Variants in CDR2L observed in about 807,000 individuals in gnomAD.
CDR2L encodes the protein cerebellar degeneration-related protein 2-like.
CDR2L carries 19 observed loss-of-function variants against 36.1 expected under a neutral mutation model. The ratio of observed to expected loss-of-function variants is 0.53; its 90% CI spans 0.37 to 0.77. The LOEUF (loss-of-function observed/expected upper bound fraction) is 0.77, where lower values mean the gene tolerates loss of function less well. CDR2L is among the 30% of genes least tolerant of loss of function. The pLI, the probability that CDR2L is intolerant of heterozygous loss-of-function variation, is 0.00. For synonymous variants in CDR2L, 285 were observed against 280.4 expected (o/e 1.02, Z -0.16); for missense variants, 575 against 627.2 (o/e 0.92, Z 0.89).
intron 2 of CDR2L, among the ~76,000 whole-genome samples, chr17:75,000,438 A>T (rs1229017353): frequency 6.7e-6 from 1 of 150,048 alleles, no homozygotes; most frequent in African/African-American, 2.4e-5. Flanking sequence ...CTGGGACTAC[A>T]GGCGCCCACC....
In CDR2L at chr17:75,003,825, C is replaced by T. The variant is rs1212952617; in HGVS notation, c.1149C>T (p.His383=). Residue 383 remains histidine, a synonymous_variant, in exon 5 of 5, where the codon CAC becomes CAT. Transcript: ENST00000337231. ...GGCAGCACGGGGCCGGAGTGCGGCACGCCGGCGTGCAGACCTCGCGCCCCA... is the reference window on the plus strand; with the variant it reads ...GGCAGCACGGGGCCGGAGTGCGGCATGCCGGCGTGCAGACCTCGCGCCCCA... The part of the protein sequence containing the change: ...KCRQHGAGVR[H]AGVQTSRPIS... 8 of 1,557,328 alleles carry T rather than the reference C, an allele frequency of 5.1e-6. No individual in the cohort carries two copies. In the South Asian group the frequency reaches 7.1e-5, roughly 14 times the overall value.
intron 1 of CDR2L, among the ~76,000 whole-genome samples, chr17:74,999,267 G>A (rs1426291646): frequency 6.9e-6 from 1 of 144,520 alleles, no homozygotes; most frequent in African/African-American, 2.5e-5. Flanking sequence ...TCCTATTTTT[G>A]TTTGTTTTTT....
rs774123866 is a variant in CDR2L, at chr17:75,003,896, G to A, written c.1220G>A (p.Gly407Asp). Residue 407 changes from glycine (G) to aspartate (D), a missense_variant, in exon 5 of 5, where the codon GGC becomes GAC. Transcript: ENST00000337231. ...AGGGACCTGCGCGGGGGTGAGGAGGGCCAGGGTGAGGTCAAGGCAGGAGAG... is the reference window on the plus strand; with the variant it reads ...AGGGACCTGCGCGGGGGTGAGGAGGACCAGGGTGAGGTCAAGGCAGGAGAG... The part of the protein sequence containing the change: ...SWRDLRGGEE[G>D]QGEVKAGEKS... 11 of 1,607,222 alleles carry A rather than the reference G, an allele frequency of 6.8e-6. No individual in the cohort carries two copies. The East Asian group carries it at 2.0e-4, about 29-fold the overall frequency.
At chr17:74,994,034 GC>G (rs1378619347) in intron 1 of CDR2L, among the ~76,000 whole-genome samples, 1 of 152,176 alleles carries the variant, frequency 6.6e-6, no homozygotes, top group East Asian at 1.9e-4. Context: ...GCCCTCAGCT[GC>G]CCACCAAGAG....
At chr17:74,996,831 C>G (rs1035646214) in intron 1 of CDR2L, among the ~76,000 whole-genome samples, 2 of 152,002 alleles carry the variant, frequency 1.3e-5, no homozygotes, top group African/African-American at 4.8e-5. Flanking sequence ...CAAATGGTAC[C>G]CAACCAGGAG....
intron 1 of CDR2L, among the ~76,000 whole-genome samples, chr17:74,996,844 C>T (rs916056738): frequency 1.3e-5 from 2 of 152,188 alleles, no homozygotes; most frequent in African/African-American, 2.4e-5. Flanking sequence ...ACCAGGAGCC[C>T]GATACCTGAA....
At position 75,003,333 on chromosome 17, in the gene CDR2L, G is replaced by C; in HGVS notation, c.657G>C (p.Glu219Asp). 1.3e-6 allele frequency: 2 copies of C among 1,555,548 alleles called. No individual in the cohort carries two copies. Among genetic ancestry groups the C allele is most frequent in the Non-Finnish European group, 1.7e-6 (2 of 1,150,356 alleles). The change falls in exon 5 of 5, where the codon GAG becomes GAC. Residue 219 changes from glutamate to aspartate, a missense_variant. Physicochemically the swap from Glu to Asp is conservative, Grantham distance 45. Transcript: ENST00000337231. The stretch of plus-strand genomic sequence containing the variant: ...AGCGCAAGGAGCGGGCGGAGCGCGA[G>C]TACACCGCGGTGCTGCAGGAGTACT... ...ERQRKERAER[E>D]YTAVLQEYSE...
chr17:75,003,879 G>A lies in CDR2L; in HGVS notation c.1203G>A (p.Leu401=), dbSNP rs1289872788. The A allele has an allele frequency of 6.2e-7, 1 of 1,601,662 alleles. No individual in the cohort carries two copies. Among genetic ancestry groups the A allele is most frequent in the East Asian group, 2.3e-5 (1 of 44,328 alleles). The stretch of plus-strand genomic sequence containing the variant: ...CCCGGGACAGCTCGTGGAGGGACCT[G>A]CGCGGGGGTGAGGAGGGCCAGGGTG... ...PISRDSSWRD[L]RGGEEGQGEV... Residue 401 remains leucine, a synonymous_variant, in exon 5 of 5, where the codon CTG becomes CTA. Transcript: ENST00000337231.
Position 75,002,533 on chromosome 17 carries a change from C to G in CDR2L, c.506+305C>G, listed in dbSNP as rs1357045333. ...CCTGTTTAGTAAGAGGCTCAGCCAG[C>G]ATGCTAACCCAGGAGGGGTAACCCA... On this transcript the variant is annotated intron_variant, in intron 4 of 4. Coordinates refer to ENST00000337231, the MANE Select transcript of CDR2L (RefSeq NM_014603.3). The surrounding 1 kb of genome is among the most constrained non-coding windows in gnomAD (Gnocchi z 4.1). Among the ~76,000 whole-genome samples the G allele has an allele frequency of 6.6e-6, 1 of 152,214 alleles. No homozygotes were observed. The highest frequency in any genetic ancestry group is 1.5e-5 in the Non-Finnish European group (1 of 68,038).
intron 1 of CDR2L, among the ~76,000 whole-genome samples, chr17:74,990,456 C>T (rs1046387309): frequency 1.3e-5 from 2 of 152,214 alleles, no homozygotes; most frequent in African/African-American, 4.8e-5. Context: ...GAGGACTCCA[C>T]GTTACATTAG....
At position 75,001,328 on chromosome 17, in the gene CDR2L, C is replaced by T; in HGVS notation, c.193-13C>T. On this transcript the variant is annotated splice_polypyrimidine_tract_variant and intron_variant, in intron 2 of 4. Coordinates refer to ENST00000337231, the MANE Select transcript of CDR2L (RefSeq NM_014603.3). ...CAATTCTAAAAAGTTACTCAATGTCCTTCCACCCCCAGTACCTAACCAAGC... is the reference window on the plus strand; with the variant it reads ...CAATTCTAAAAAGTTACTCAATGTCTTTCCACCCCCAGTACCTAACCAAGC... The T allele has an allele frequency of 1.3e-6, 2 of 1,591,762 alleles. No homozygotes were observed. The highest frequency in any genetic ancestry group is 2.3e-5 in the South Asian group (2 of 87,290).
At chr17:74,994,660 C>T (rs1005684389) in intron 1 of CDR2L, among the ~76,000 whole-genome samples, 2 of 152,040 alleles carry the variant, frequency 1.3e-5, no homozygotes, top group Non-Finnish European at 2.9e-5. Flanking sequence ...CACTGGAATG[C>T]AGTGTTGCAA....
Position 75,002,271 on chromosome 17 carries a change from T to C in CDR2L, c.506+43T>C, listed in dbSNP as rs377610755. ...TTGGTGTCTCTGGGATTGCCAGCCATGGGAGGAAGGAGAGGCAGCAGGCAG... is the reference window on the plus strand; with the variant it reads ...TTGGTGTCTCTGGGATTGCCAGCCACGGGAGGAAGGAGAGGCAGCAGGCAG... On this transcript the variant is annotated intron_variant, in intron 4 of 4. Transcript: ENST00000337231. This position sits in a 1 kb window ranked among gnomAD's most constrained non-coding sequence, Gnocchi z 4.1. The C allele has an allele frequency of 1.3e-5, 21 of 1,565,118 alleles. No individual in the cohort carries two copies. Among genetic ancestry groups the C allele is most frequent in the Non-Finnish European group, 1.6e-5 (19 of 1,153,036 alleles).
chr17:74,997,079 TCTTTC>T (rs201759884), intron 1 of CDR2L, among the ~76,000 whole-genome samples: 212 of 4,048 alleles, frequency 0.052, 10 homozygotes, highest in Middle Eastern at 0.12. Flanking sequence ...TTTCTTTCTT[TCTTTC>T]TTTTTTTTTT....
At chr17:74,998,523 A>C (rs1327229490) in intron 1 of CDR2L, among the ~76,000 whole-genome samples, 4 of 136,116 alleles carry the variant, frequency 2.9e-5, no homozygotes, top group Admixed American at 2.8e-4. Flanking sequence ...CCCTTAAAAG[A>C]AAAAAAAAAC....
Position 75,003,840 on chromosome 17 carries a change from C to G in CDR2L, c.1164C>G (p.Thr388=). 6.4e-7 allele frequency: 1 copy of G among 1,574,544 alleles called. No individual in the cohort carries two copies. Among genetic ancestry groups the G allele is most frequent in the Non-Finnish European group, 8.6e-7 (1 of 1,161,306 alleles). The change falls in exon 5 of 5, where the codon ACC becomes ACG. Residue 388 remains threonine, a synonymous_variant. Coordinates refer to ENST00000337231, the MANE Select transcript of CDR2L (RefSeq NM_014603.3). The stretch of plus-strand genomic sequence containing the variant: ...GAGTGCGGCACGCCGGCGTGCAGAC[C>G]TCGCGCCCCATCTCCCGGGACAGCT... ...GAGVRHAGVQ[T]SRPISRDSSW... is the part of the protein sequence containing the mutation.
At chr17:74,998,274 A>G (rs1387291347) in intron 1 of CDR2L, among the ~76,000 whole-genome samples, 2 of 152,036 alleles carry the variant, frequency 1.3e-5, no homozygotes, top group Non-Finnish European at 2.9e-5. Flanking sequence ...CCGATATTAT[A>G]GTCCCACGCC....
chr17:75,003,567 C>G lies in CDR2L; in HGVS notation c.891C>G (p.Gly297=), dbSNP rs769287976. The G allele has an allele frequency of 5.3e-6, 8 of 1,509,628 alleles. No homozygotes were observed. Among genetic ancestry groups the G allele is most frequent in the Non-Finnish European group, 7.1e-6 (8 of 1,127,656 alleles). 93.5% of individuals were successfully genotyped at this position (1,509,628 alleles called of 1,614,324 possible). The part of the protein sequence containing the change: ...DPQPGRGDDL[G]AQDGVSSPAA... ...AGCCCGGCCGCGGGGACGACTTGGG[C>G]GCCCAGGACGGGGTCTCCTCACCGG... The change falls in exon 5 of 5, where the codon GGC becomes GGG. Residue 297 remains glycine, a synonymous_variant. Coordinates refer to ENST00000337231, the MANE Select transcript of CDR2L (RefSeq NM_014603.3).
At chr17:74,996,635 A>ACATCCCCCACAG (rs1175362501) in intron 1 of CDR2L, among the ~76,000 whole-genome samples, 1 of 151,774 alleles carries the variant, frequency 6.6e-6, no homozygotes, top group Non-Finnish European at 1.5e-5. Context: ...ATCCCCCACA[A>ACATCCCCCACAG]CATCCCCCTA....
Sources: allele counts gnomAD v4.1 joint callset (sites outside exome capture counted in the v4.1 genomes callset), GRCh38; gene constraint gnomAD v4.1.1; non-coding constraint Gnocchi (gnomAD v3.1); transcripts MANE v1.5; gene names NCBI Gene and HGNC (gene_info 2026-07-23, HGNC 2026-07-21).